SLC6A5: variants seen among roughly 807,000 people sequenced by gnomAD.
SLC6A5 encodes the protein solute carrier family 6 member 5.
In SLC6A5, 58 loss-of-function variants were observed where a neutral mutation model predicts 90.5. That is an observed-to-expected ratio of 0.64 (90% CI 0.52 to 0.80). The LOEUF (loss-of-function observed/expected upper bound fraction) is 0.80. SLC6A5 is among the 30% of genes least tolerant of loss of function. SLC6A5 has a pLI of 0.00. For missense variants in SLC6A5, 1,015 were observed against 1,017.6 expected (o/e 1.00, Z 0.03); for synonymous variants, 427 against 401.4 (o/e 1.06, Z -0.76).
chr11:20,642,677 A>AGTTC (rs1323324604), intron 13 of SLC6A5, among the ~76,000 whole-genome samples: 4 of 152,166 alleles, frequency 2.6e-5, no homozygotes, highest in Non-Finnish European at 5.9e-5. Flanking sequence ...ATTAGGGGAA[A>AGTTC]GGAGAAAGCA....
At chr11:20,599,811 C>G in intron 1 of SLC6A5, 136 bp downstream of exon 1, 1 of 1,025,256 alleles carries the variant, frequency 9.8e-7, no homozygotes, top group East Asian at 2.4e-5. Flanking sequence ...GAACAATTCT[C>G]GCAGCCCTAG....
intron 5 of SLC6A5, among the ~76,000 whole-genome samples, chr11:20,614,113 A>G (rs1221920134): frequency 6.6e-6 from 1 of 152,148 alleles, no homozygotes; most frequent in Non-Finnish European, 1.5e-5. Context: ...ATCCTAGAGT[A>G]CTTACTAAAT....
chr11:20,630,557 T>A, intron 9 of SLC6A5, 134 bp from the exon 10 acceptor site: 1 of 1,044,276 alleles, frequency 9.6e-7, no homozygotes. Flanking sequence ...AGCCTGTGGT[T>A]AGGACATGAA....
chr11:20,601,401 A>G lies in SLC6A5; in HGVS notation c.276A>G (p.Ala92=). 6.2e-7 allele frequency: 1 copy of G among 1,605,222 alleles called. No individual in the cohort carries two copies. The highest frequency in any genetic ancestry group is 8.5e-7 in the Non-Finnish European group (1 of 1,176,580). ...LSSPRAQAAS[A]ALRDLREAQG... is the part of the protein sequence containing the mutation. ...GCCCGCGGGCGCAGGCGGCCTCTGC[A>G]GCTCTGCGGGACTTGAGAGAGGCGC... is the stretch of plus-strand genomic sequence containing the variant. Residue 92 remains alanine, a synonymous_variant, in exon 2 of 16, where the codon GCA becomes GCG. Transcript: ENST00000525748.
At chr11:20,643,225 C>T (rs927847507) in intron 13 of SLC6A5, among the ~76,000 whole-genome samples, 1 of 135,768 alleles carries the variant, frequency 7.4e-6, no homozygotes, top group Non-Finnish European at 1.7e-5. Context: ...GAATCTCTCT[C>T]TCTTTTTTTT....
At chr11:20,624,609 C>A (rs1441709390) in intron 7 of SLC6A5, among the ~76,000 whole-genome samples, 1 of 152,100 alleles carries the variant, frequency 6.6e-6, no homozygotes. Flanking sequence ...CGGCAGGTGC[C>A]CTGTGTCCCT....
chr11:20,615,307 G>A (rs1852763882), intron 6 of SLC6A5, among the ~76,000 whole-genome samples: 4 of 152,142 alleles, frequency 2.6e-5, no homozygotes, highest in Admixed American at 2.6e-4. Context: ...GATACTTGAA[G>A]ATCCTCAGCT....
intron 6 of SLC6A5, among the ~76,000 whole-genome samples, chr11:20,615,582 T>TGGCTAGAGGA (rs1852769930): frequency 6.6e-6 from 1 of 152,182 alleles, no homozygotes; most frequent in African/African-American, 2.4e-5. Context: ...TTAGCCAGGA[T>TGGCTAGAGGA]GGCCTCGATA....
chr11:20,649,263 C>T (rs1853478902), intron 14 of SLC6A5, among the ~76,000 whole-genome samples: 1 of 152,096 alleles, frequency 6.6e-6, no homozygotes, highest in Non-Finnish European at 1.5e-5. Context: ...AACCAGATTC[C>T]CCTTCTGTGT....
chr11:20,623,170 G>A (rs1450930333), intron 7 of SLC6A5, among the ~76,000 whole-genome samples: 1 of 152,170 alleles, frequency 6.6e-6, no homozygotes, highest in Non-Finnish European at 1.5e-5. Flanking sequence ...CAGGAAAAAT[G>A]TGTCCTGGTC....
intron 5 of SLC6A5, among the ~76,000 whole-genome samples, chr11:20,610,987 G>A (rs577207318): frequency 6.6e-6 from 1 of 152,314 alleles, no homozygotes; most frequent in South Asian, 2.1e-4. Context: ...GCATTAATCA[G>A]GCTGTGCTTT....
At chr11:20,605,608 G>A (rs1590155130) in intron 3 of SLC6A5, among the ~76,000 whole-genome samples, 1 of 152,224 alleles carries the variant, frequency 6.6e-6, no homozygotes, top group East Asian at 1.9e-4. Context: ...GACTAGAAGG[G>A]GAGTGGGTTA....
At position 20,643,379 on chromosome 11, in the gene SLC6A5, G is replaced by A. The variant is rs548910735; in HGVS notation, c.1970-3455G>A. ...TCAGAGGCCACTCATTTGAAGGTGTGTAATAAAAACTAAAGGAGACTAACA... is the reference window on the plus strand; with the variant it reads ...TCAGAGGCCACTCATTTGAAGGTGTATAATAAAAACTAAAGGAGACTAACA... On this transcript the variant is annotated intron_variant, in intron 13 of 15. Transcript: ENST00000525748. 1.9e-4 allele frequency among the ~76,000 whole-genome samples: 29 copies of A among 152,216 alleles called. 1 individual carries two copies. The South Asian group carries it at 5.4e-3, about 28-fold the overall frequency.
rs149445364 is a variant in SLC6A5 at position 20,642,819 on chromosome 11, G to A, written c.1970-4015G>A. 1.7e-3 allele frequency among the ~76,000 whole-genome samples: 266 copies of A among 152,334 alleles called. 2 individuals are homozygous for A. The highest frequency in any genetic ancestry group is 6.2e-3 in the African/African-American group (258 of 41,570). ...TGAGGCAGAGGCTGGAGGAACTGGA[G>A]AGCTTGACTCAGGAATGGCACGGTG... is the stretch of plus-strand genomic sequence containing the variant. On this transcript the variant is annotated intron_variant, in intron 13 of 15. Coordinates refer to ENST00000525748, the MANE Select transcript of SLC6A5 (RefSeq NM_004211.5).
At chr11:20,651,689 C>G (rs532647246) in intron 14 of SLC6A5, among the ~76,000 whole-genome samples, 1 of 151,628 alleles carries the variant, frequency 6.6e-6, no homozygotes, top group Non-Finnish European at 1.5e-5. Flanking sequence ...GGGCAGATCA[C>G]CTGAGGTCAG....
chr11:20,611,530 C>G (rs1432489656), intron 5 of SLC6A5, among the ~76,000 whole-genome samples: 4 of 152,210 alleles, frequency 2.6e-5, no homozygotes, highest in Admixed American at 2.0e-4. Context: ...TTCTTCATCT[C>G]TCTGTCCCAG....
At chr11:20,640,130 C>G (rs954956521) in intron 13 of SLC6A5, among the ~76,000 whole-genome samples, 1 of 152,192 alleles carries the variant, frequency 6.6e-6, no homozygotes, top group Admixed American at 6.5e-5. Flanking sequence ...TCTTTGGCAC[C>G]TCAGCACCTC....
chr11:20,652,488 C>T, intron 15 of SLC6A5, 32 bp downstream of exon 15: 3 of 1,593,746 alleles, frequency 1.9e-6, no homozygotes, highest in Non-Finnish European at 2.6e-6. Flanking sequence ...CCTCCCAATT[C>T]CTCCCAAGGG....
intron 13 of SLC6A5, among the ~76,000 whole-genome samples, chr11:20,640,886 A>T (rs1192241488): frequency 1.3e-5 from 2 of 152,170 alleles, no homozygotes; most frequent in African/African-American, 2.4e-5. Flanking sequence ...AGCCAGAATT[A>T]AAAAAATAAG....
Sources: gnomAD v4.1 joint callset for allele counts (sites outside exome capture counted in the v4.1 genomes callset) on GRCh38, gnomAD v4.1.1 for gene constraint, MANE v1.5 for transcripts, NCBI Gene and HGNC (gene_info 2026-07-23, HGNC 2026-07-21) for gene names.